Variants in SOCS5 observed in about 807,000 individuals in gnomAD.
SOCS5 encodes suppressor of cytokine signaling 5, also known as CIS-6.
A neutral mutation model predicts 42.8 loss-of-function variants in SOCS5; 32 were observed. That is an observed-to-expected ratio of 0.75 (90% CI 0.56 to 1.01). SOCS5 has a LOEUF of 1.01. SOCS5 is among the 50% of genes least tolerant of loss of function. SOCS5 has a pLI of 0.00. For missense variants in SOCS5, 627 were observed against 653.0 expected (o/e 0.96, Z 0.43); for synonymous variants, 283 against 229.6 (o/e 1.23, Z -2.10).
At chr2:46,737,059 C>T (rs1416298343) in intron 1 of SOCS5, among the ~76,000 whole-genome samples, 1 of 152,104 alleles carries the variant, frequency 6.6e-6, no homozygotes, top group Non-Finnish European at 1.5e-5. Flanking sequence ...GTACACTCAC[C>T]TATATTAAGA....
At chr2:46,722,909 A>G (rs1672913497) in intron 1 of SOCS5, among the ~76,000 whole-genome samples, 1 of 152,034 alleles carries the variant, frequency 6.6e-6, no homozygotes. Context: ...TCTAATGTCT[A>G]ATAACGTTGA....
At chr2:46,746,569 T>A (rs909038218) in intron 1 of SOCS5, among the ~76,000 whole-genome samples, 1 of 151,474 alleles carries the variant, frequency 6.6e-6, no homozygotes. Context: ...GAGAATGGTG[T>A]GAACCTGAGA....
intron 1 of SOCS5, among the ~76,000 whole-genome samples, chr2:46,724,446 C>G (rs576734357): frequency 6.6e-6 from 1 of 151,872 alleles, no homozygotes; most frequent in East Asian, 1.9e-4. Context: ...TTTTTTTCTT[C>G]TAGCTTCTTA....
At position 46,759,129 on chromosome 2, in the gene SOCS5, C is replaced by T. The variant is rs560216596; in HGVS notation, c.599C>T (p.Pro200Leu). The change falls in exon 2 of 2, where the codon CCT becomes CTT. Residue 200 changes from proline (P) to leucine (L), a missense_variant. Around this residue, in one of 3 missense-constraint regions of SOCS5, gnomAD observed 278 missense variants for 246.3 expected, o/e 1.13. Coordinates refer to ENST00000394861, the MANE Select transcript of SOCS5 (RefSeq NM_144949.3). ...AGAACTTACAGCAAGCAGTCAAAGCCTCTCTTTTCCAATAAAAGAAAAATC... is the reference window on the plus strand; with the variant it reads ...AGAACTTACAGCAAGCAGTCAAAGCTTCTCTTTTCCAATAAAAGAAAAATC... ...PMRTYSKQSK[P>L]LFSNKRKIHL... 2 of 1,614,004 alleles carry T rather than the reference C, an allele frequency of 1.2e-6. No individual in the cohort carries two copies. Among genetic ancestry groups the T allele is most frequent in the African/African-American group, 1.3e-5 (1 of 75,046 alleles).
At chr2:46,725,591 A>G (rs936166333) in intron 1 of SOCS5, among the ~76,000 whole-genome samples, 3 of 152,024 alleles carry the variant, frequency 2.0e-5, no homozygotes, top group African/African-American at 7.2e-5. Flanking sequence ...TGTCTTTTAT[A>G]TTACATCTAC....
chr2:46,758,834 G>C lies in SOCS5; in HGVS notation c.304G>C (p.Val102Leu), dbSNP rs766311885. ...ISIEKDNDSC[V>L]TPGTRLARRD... ...CATCGAAAAGGATAATGATTCTTGT[G>C]TTACCCCAGGAACAAGACTTGCACG... is the stretch of plus-strand genomic sequence containing the variant. The change falls in exon 2 of 2, where the codon GTT becomes CTT. Residue 102 changes from valine (V) to leucine (L), a missense_variant. Transcript: ENST00000394861. The C allele has an allele frequency of 1.2e-6, 2 of 1,614,098 alleles. No homozygotes were observed. Among genetic ancestry groups the C allele is most frequent in the East Asian group, 4.5e-5 (2 of 44,880 alleles).
chr2:46,722,969 T>C (rs532405088), intron 1 of SOCS5, among the ~76,000 whole-genome samples: 5 of 152,262 alleles, frequency 3.3e-5, no homozygotes, highest in African/African-American at 1.2e-4. Flanking sequence ...CAGTGAACTC[T>C]GTTCAAGTCT....
At chr2:46,726,435 A>G (rs1181238379) in intron 1 of SOCS5, among the ~76,000 whole-genome samples, 1 of 152,122 alleles carries the variant, frequency 6.6e-6, no homozygotes, top group East Asian at 1.9e-4. Flanking sequence ...CTGTGCTTCT[A>G]GAATCTGATA....
In SOCS5 at chr2:46,758,743, T is replaced by A; in HGVS notation, c.213T>A (p.Pro71=). 6.2e-7 allele frequency: 1 copy of A among 1,614,124 alleles called. No homozygotes were observed. The highest frequency in any genetic ancestry group is 8.5e-7 in the Non-Finnish European group (1 of 1,179,990). The change falls in exon 2 of 2, where the codon CCT becomes CCA. Residue 71 remains proline (P), a synonymous_variant. Transcript: ENST00000394861. ...TTGCCTTACAACTGGGATTAAGCCCTTCGAAGAATTCTTCAAGGAGAAATC... is the reference window on the plus strand; with the variant it reads ...TTGCCTTACAACTGGGATTAAGCCCATCGAAGAATTCTTCAAGGAGAAATC... The part of the protein sequence containing the change: ...ENIALQLGLS[P]SKNSSRRNQN...
intron 1 of SOCS5, among the ~76,000 whole-genome samples, chr2:46,706,038 C>T (rs1023724203): frequency 5.3e-5 from 8 of 152,040 alleles, no homozygotes; most frequent in Admixed American, 1.3e-4. Flanking sequence ...TGGTTGTTGC[C>T]GGGCCAGAAA....
intron 1 of SOCS5, among the ~76,000 whole-genome samples, chr2:46,735,162 C>G (rs1673215996): frequency 6.6e-6 from 1 of 152,168 alleles, no homozygotes; most frequent in Non-Finnish European, 1.5e-5. Context: ...AATTTATTTC[C>G]TATCAAAGTT....
intron 1 of SOCS5, among the ~76,000 whole-genome samples, chr2:46,743,119 T>A (rs1673415188): frequency 6.6e-6 from 1 of 152,176 alleles, no homozygotes; most frequent in Non-Finnish European, 1.5e-5. Flanking sequence ...TTTATGAGTT[T>A]TTCATCTACT....
At chr2:46,705,198 C>G (rs1672435207) in intron 1 of SOCS5, among the ~76,000 whole-genome samples, 1 of 152,214 alleles carries the variant, frequency 6.6e-6, no homozygotes, top group Admixed American at 6.5e-5. Flanking sequence ...GCAAATTAAT[C>G]AAACTCAAGG....
At chr2:46,751,296 T>C (rs1437814587) in intron 1 of SOCS5, among the ~76,000 whole-genome samples, 4 of 152,144 alleles carry the variant, frequency 2.6e-5, no homozygotes, top group Non-Finnish European at 5.9e-5. Flanking sequence ...TTTATTTCTT[T>C]GATTACTCAC....
chr2:46,739,787 A>G (rs185428846), intron 1 of SOCS5, among the ~76,000 whole-genome samples: 115 of 152,322 alleles, frequency 7.5e-4, no homozygotes, highest in Non-Finnish European at 4.3e-4. Context: ...GTCTACACAC[A>G]TATGTATACA....
intron 1 of SOCS5, among the ~76,000 whole-genome samples, chr2:46,706,154 A>C (rs1163520730): frequency 6.6e-6 from 1 of 152,224 alleles, no homozygotes; most frequent in South Asian, 2.1e-4. Flanking sequence ...ATTATGTTCC[A>C]GGCTAAGTGA....
chr2:46,737,560 G>A (rs1168793175), intron 1 of SOCS5, among the ~76,000 whole-genome samples: 3 of 152,154 alleles, frequency 2.0e-5, no homozygotes, highest in Non-Finnish European at 2.9e-5. Context: ...AGAAAATTCT[G>A]ATTTGGGGTC....
At chr2:46,748,412 C>T (rs1558411451) in intron 1 of SOCS5, among the ~76,000 whole-genome samples, 1 of 152,040 alleles carries the variant, frequency 6.6e-6, no homozygotes, top group African/African-American at 2.4e-5. Flanking sequence ...GTCTCAAACT[C>T]CTGGGCTCAA....
At chr2:46,743,941 A>AT (rs1232742280) in intron 1 of SOCS5, among the ~76,000 whole-genome samples, 3 of 151,730 alleles carry the variant, frequency 2.0e-5, no homozygotes, top group South Asian at 2.1e-4. Flanking sequence ...TCAAAGAAGA[A>AT]TTTTTTTGTG....
Sources: gnomAD v4.1 joint callset for allele counts (sites outside exome capture counted in the v4.1 genomes callset) on GRCh38, gnomAD v4.1.1 for gene constraint, gnomAD v4.1.1 regional missense constraint, MANE v1.5 for transcripts, NCBI Gene and HGNC (gene_info 2026-07-23, HGNC 2026-07-21) for gene names.